The following NPAS3 variants were observed in gnomAD, a reference collection of about 807,000 sequenced individuals.
NPAS3 encodes the protein neuronal PAS domain-containing protein 3.
NPAS3 carries 14 observed loss-of-function variants against 73.1 expected under a neutral mutation model. The ratio of observed to expected loss-of-function variants is 0.19; its 90% confidence interval spans 0.13 to 0.30. The LOEUF (loss-of-function observed/expected upper bound fraction) is 0.30, where lower values mean the gene tolerates loss of function less well. NPAS3 is among the 10% of genes least tolerant of loss of function. The pLI is 1.00. For synonymous variants in NPAS3, 620 were observed against 541.5 expected, an observed-to-expected ratio of 1.14 and a Z score of -2.01; for missense variants, 1,096 against 1,250.0, an observed-to-expected ratio of 0.88 and a Z score of 1.86.
intron 4 of NPAS3, among the ~76,000 whole-genome samples, chr14:33,496,552 A>C (rs1415867107): frequency 6.6e-6 from 1 of 152,194 alleles, no homozygotes; most frequent in Non-Finnish European, 1.5e-5. Context: ...CAACATACTC[A>C]AATAAATAAA....
intron 6 of NPAS3, among the ~76,000 whole-genome samples, chr14:33,714,563 T>G (rs2060909349): frequency 6.6e-6 from 1 of 152,136 alleles, no homozygotes; most frequent in African/African-American, 2.4e-5. Flanking sequence ...GAAAATTGAG[T>G]CTTTCTTAGG....
intron 2 of NPAS3, among the ~76,000 whole-genome samples, chr14:33,129,513 C>T (rs542416401): frequency 3.9e-5 from 6 of 152,220 alleles, no homozygotes; most frequent in South Asian, 2.1e-4. Context: ...AACATTAAAG[C>T]GTGCTATTAA....
chr14:33,241,927 A>T (rs1336376464), intron 3 of NPAS3, among the ~76,000 whole-genome samples: 1 of 152,084 alleles, frequency 6.6e-6, no homozygotes, highest in African/African-American at 2.4e-5. Flanking sequence ...GCTTCTAGAC[A>T]TGCATATTGA....
At chr14:33,055,695 TAAAG>T (rs1459342104) in intron 1 of NPAS3, among the ~76,000 whole-genome samples, 4 of 152,076 alleles carry the variant, frequency 2.6e-5, no homozygotes, top group Non-Finnish European at 5.9e-5. Context: ...ACTGTCCTGA[TAAAG>T]AACTGAAAAA....
chr14:33,803,810 G>A (rs1468885774), downstream of NPAS3: 1 of 151,884 alleles, frequency 6.6e-6, no homozygotes, highest in African/African-American at 2.4e-5. Flanking sequence ...GGAGACTGGT[G>A]CCAAGTAGCT....
At chr14:33,573,381 A>G (rs538145659) in intron 5 of NPAS3, among the ~76,000 whole-genome samples, 26 of 152,318 alleles carry the variant, frequency 1.7e-4, no homozygotes, top group Admixed American at 1.3e-3. Flanking sequence ...CCAAGCTACG[A>G]TGACCTACAA....
At chr14:33,139,025 A>G (rs1566601058) in intron 2 of NPAS3, among the ~76,000 whole-genome samples, 1 of 152,194 alleles carries the variant, frequency 6.6e-6, no homozygotes, top group Non-Finnish European at 1.5e-5. Context: ...TTTCTTCATG[A>G]TAGAGATTTT....
chr14:33,683,969 G>A (rs2060013575), intron 6 of NPAS3, among the ~76,000 whole-genome samples: 1 of 152,146 alleles, frequency 6.6e-6, no homozygotes. Context: ...TGTTATCCTT[G>A]TCTTACAGCT....
chr14:33,214,911 C>T (rs7151302), intron 2 of NPAS3: 364,192 of 440,672 alleles, frequency 0.83, 152,328 homozygotes, highest in Admixed American at 0.88. Flanking sequence ...AATAAATACA[C>T]CTCAATGCAT....
At chr14:33,497,614 A>G (rs1345514650) in intron 4 of NPAS3, among the ~76,000 whole-genome samples, 3 of 152,182 alleles carry the variant, frequency 2.0e-5, no homozygotes, top group Admixed American at 2.0e-4. Context: ...TACCTATATA[A>G]CAAATGGTGT....
chr14:33,415,255 C>T (rs749205740), intron 4 of NPAS3, among the ~76,000 whole-genome samples: 9 of 152,106 alleles, frequency 5.9e-5, no homozygotes, highest in Non-Finnish European at 1.0e-4. Context: ...AGATTCCATC[C>T]TTATCAAGTA....
intron 2 of NPAS3, among the ~76,000 whole-genome samples, chr14:33,185,882 C>A (rs2045957540): frequency 6.6e-6 from 1 of 152,094 alleles, no homozygotes; most frequent in Middle Eastern, 3.2e-3. Flanking sequence ...TAAGCAATCC[C>A]CAAGGTCACG....
intron 1 of NPAS3, among the ~76,000 whole-genome samples, chr14:32,955,182 A>G (rs2036626477): frequency 6.6e-6 from 1 of 152,118 alleles, no homozygotes; most frequent in Non-Finnish European, 1.5e-5. Context: ...ATCAATGTCC[A>G]ATGATTTGGC....
intron 4 of NPAS3, among the ~76,000 whole-genome samples, chr14:33,485,609 G>A (rs540857517): frequency 2.4e-4 from 37 of 152,224 alleles, no homozygotes; most frequent in South Asian, 1.0e-3. Flanking sequence ...GAAGTGAAGC[G>A]TGTCCTCTTT....
At chr14:33,444,349 T>A (rs147068437) in intron 4 of NPAS3, among the ~76,000 whole-genome samples, 17 of 152,310 alleles carry the variant, frequency 1.1e-4, no homozygotes, top group Middle Eastern at 3.4e-3. Flanking sequence ...AAACAAGTCA[T>A]GTGAGCAGTG....
In NPAS3 at chr14:33,045,807, T is replaced by C. The variant is rs2040488141; in HGVS notation, c.51-10098T>C. Reference sequence around the variant, plus strand: ...GGAAATGGTTAGAGTAATAGCTTTATAGGGAAGGTACATTTATTTTCAGAA... The same window carrying C: ...GGAAATGGTTAGAGTAATAGCTTTACAGGGAAGGTACATTTATTTTCAGAA... On this transcript the variant is annotated intron_variant, in intron 1 of 11. Transcript: ENST00000356141. Among the ~76,000 whole-genome samples the C allele has an allele frequency of 7.2e-5, 11 of 152,162 alleles. No homozygotes were observed. The South Asian group carries it at 2.1e-3, about 29-fold the overall frequency.
intron 2 of NPAS3, among the ~76,000 whole-genome samples, chr14:33,142,476 T>A (rs564968820): frequency 1.5e-4 from 23 of 152,242 alleles, no homozygotes; most frequent in African/African-American, 5.5e-4. Context: ...CCAGGCCATT[T>A]TTTTCTGTGC....
chr14:33,027,752 T>C (rs1378541911), intron 1 of NPAS3, among the ~76,000 whole-genome samples: 2 of 152,188 alleles, frequency 1.3e-5, no homozygotes, highest in African/African-American at 4.8e-5. Flanking sequence ...TAAGTGAATT[T>C]ACAAGGGGCA....
intron 4 of NPAS3, among the ~76,000 whole-genome samples, chr14:33,489,321 A>G (rs2051774354): frequency 6.6e-6 from 1 of 152,186 alleles, no homozygotes; most frequent in Non-Finnish European, 1.5e-5. Context: ...GTAAACAATA[A>G]CTACAGTACT....
Sources: allele counts gnomAD v4.1 joint callset (sites outside exome capture counted in the v4.1 genomes callset), GRCh38; gene constraint gnomAD v4.1.1; transcripts MANE v1.5; gene names NCBI Gene and HGNC (gene_info 2026-07-23, HGNC 2026-07-21).